The following KDM4C variants were observed in gnomAD, a reference collection of about 807,000 sequenced individuals.
KDM4C encodes the protein lysine-specific demethylase 4C.
KDM4C carries 81 observed loss-of-function variants against 129.3 expected under a neutral mutation model. The ratio of observed to expected loss-of-function variants is 0.63; its 90% CI spans 0.52 to 0.75. The LOEUF (loss-of-function observed/expected upper bound fraction) is 0.75. Among genes scored for constraint, KDM4C ranks in the 30% least tolerant of loss-of-function variants. The pLI is 0.00. For missense variants in KDM4C, 1,457 were observed against 1,304.0 expected (o/e 1.12, Z -1.81); for synonymous variants, 573 against 456.1 (o/e 1.26, Z -3.26).
intron 18 of KDM4C, among the ~76,000 whole-genome samples, chr9:7,120,434 A>C (rs557051262): frequency 6.6e-6 from 1 of 152,154 alleles, no homozygotes; most frequent in Non-Finnish European, 1.5e-5. Context: ...GTATCAGTGG[A>C]GAGAAAACTC....
In KDM4C at chr9:7,049,654, G is replaced by A. The variant is rs1417059190; in HGVS notation, c.2424+454G>A. 3.3e-5 allele frequency among the ~76,000 whole-genome samples: 5 copies of A among 151,880 alleles called. No homozygotes were observed. The East Asian group carries it at 7.7e-4, about 23-fold the overall frequency. On this transcript the variant is annotated intron_variant, in intron 17 of 21. Coordinates refer to ENST00000381309, the MANE Select transcript of KDM4C (RefSeq NM_015061.6). ...GAAATAAAGAAGCTTTTATTTTTAC[G>A]AAGATATTTTCTCACTCTTGAATAG...
upstream of KDM4C, among the ~76,000 whole-genome samples, chr9:6,757,051 T>C (rs1018515580): frequency 6.6e-6 from 1 of 152,012 alleles, no homozygotes; most frequent in Non-Finnish European, 1.5e-5. Flanking sequence ...AAAAAAAAAA[T>C]CATTCAGCTT....
chr9:7,049,503 C>G (rs1829856989), intron 17 of KDM4C, among the ~76,000 whole-genome samples: 1 of 152,064 alleles, frequency 6.6e-6, no homozygotes, highest in South Asian at 2.1e-4. Context: ...AGTACTGGAG[C>G]TGAGCCATCT....
At chr9:6,986,761 A>G in intron 11 of KDM4C, 95 bp downstream of exon 11, 1 of 841,052 alleles carries the variant, frequency 1.2e-6, no homozygotes, top group South Asian at 1.9e-5. Flanking sequence ...CCTTTAGGGC[A>G]CAGATAAATA....
intron 8 of KDM4C, among the ~76,000 whole-genome samples, chr9:6,939,973 C>CCTAG (rs1293739582): frequency 7.7e-6 from 1 of 130,426 alleles, no homozygotes; most frequent in Non-Finnish European, 1.7e-5. Flanking sequence ...TACCTACCTA[C>CCTAG]CTACCTTCCT....
chr9:6,745,632 A>G (rs553859105), intron 1 of KDM4C, among the ~76,000 whole-genome samples: 1 of 150,676 alleles, frequency 6.6e-6, no homozygotes, highest in Non-Finnish European at 1.5e-5. Flanking sequence ...ATGTTACATT[A>G]CATTATATTT....
intron 3 of KDM4C, among the ~76,000 whole-genome samples, chr9:6,808,132 G>A (rs1315580341): frequency 2.5e-5 from 1 of 39,954 alleles, no homozygotes; most frequent in Non-Finnish European, 4.6e-5. Context: ...GCCTCTGCCC[G>A]GCCGCCCCTA....
At chr9:6,806,860 CTCTCCCTCTCCGTCTCCG>C (rs1830064481) in intron 3 of KDM4C, among the ~76,000 whole-genome samples, 1 of 143,854 alleles carries the variant, frequency 7.0e-6, no homozygotes, top group African/African-American at 2.8e-5. Context: ...CACACTGTTG[CTCTCCCTCTCCGTCTCCG>C]TCTCCCTCTC....
At position 7,138,687 on chromosome 9, in the gene KDM4C, C is replaced by T. The variant is rs10976064; in HGVS notation, c.2781+10451C>T. Among the ~76,000 whole-genome samples, 1,363 of 151,624 alleles carry T rather than the reference C, an allele frequency of 9.0e-3. 18 individuals carry two copies. Among genetic ancestry groups the T allele is most frequent in the African/African-American group, 0.031 (1,280 of 41,304 alleles). On this transcript the variant is annotated intron_variant, in intron 19 of 21. Coordinates refer to ENST00000381309, the MANE Select transcript of KDM4C (RefSeq NM_015061.6). ...AAAAAAATTTAGCCAGGCATGGTGA[C>T]GTGTACCTGTAGTCCTAGCTCCTTG... is the stretch of plus-strand genomic sequence containing the variant.
At chr9:6,954,993 G>T (rs1200011040) in intron 8 of KDM4C, among the ~76,000 whole-genome samples, 1 of 152,160 alleles carries the variant, frequency 6.6e-6, no homozygotes, top group African/African-American at 2.4e-5. Flanking sequence ...GGAAGAGTGG[G>T]AACTCTTTAT....
chr9:7,105,509 TGTTTTTCCTGTTTC>T (rs1564124038), intron 18 of KDM4C: 1 of 467,960 alleles, frequency 2.1e-6, no homozygotes, highest in Non-Finnish European at 4.4e-6. Context: ...ACGTGAGTAG[TGTTTTTCCTGTTTC>T]GAGGATAAGA....
intron 5 of KDM4C, among the ~76,000 whole-genome samples, chr9:6,852,907 A>G (rs1284278819): frequency 2.0e-5 from 3 of 152,036 alleles, no homozygotes; most frequent in African/African-American, 7.3e-5. Flanking sequence ...TTGTTTTGGC[A>G]TCTTACAACT....
chr9:6,752,141 G>C (rs960149034), intron 1 of KDM4C, among the ~76,000 whole-genome samples: 3 of 150,176 alleles, frequency 2.0e-5, no homozygotes, highest in African/African-American at 5.0e-5. Context: ...AGACCATCCT[G>C]GCTAACACGG....
chr9:6,793,009 A>G lies in KDM4C; in HGVS notation c.21A>G (p.Glu7=). 6.2e-7 allele frequency: 1 copy of G among 1,614,178 alleles called. No individual in the cohort carries two copies. The highest frequency in any genetic ancestry group is 1.1e-5 in the South Asian group (1 of 91,076). Residue 7 remains glutamate, a synonymous_variant, in exon 2 of 22, where the codon GAA becomes GAG. Transcript: ENST00000381309. The part of the protein sequence containing the change: MEVAEV[E]SPLNPSCKIM... The stretch of plus-strand genomic sequence containing the variant: ...CCATCATGGAGGTGGCCGAGGTGGA[A>G]AGTCCTCTGAACCCCAGCTGTAAGA...
chr9:7,149,092 G>A (rs991725298), intron 19 of KDM4C, among the ~76,000 whole-genome samples: 7 of 152,204 alleles, frequency 4.6e-5, no homozygotes, highest in Admixed American at 3.9e-4. Flanking sequence ...TCTGCACCAA[G>A]GGGCACTTGC....
At chr9:6,856,526 C>G (rs1419173758) in intron 5 of KDM4C, among the ~76,000 whole-genome samples, 1 of 144,848 alleles carries the variant, frequency 6.9e-6, no homozygotes, top group African/African-American at 2.6e-5. Flanking sequence ...TTAGGCATAT[C>G]TCTCTCTGTG....
chr9:6,832,972 G>A (rs898208799), intron 4 of KDM4C, among the ~76,000 whole-genome samples: 1 of 151,420 alleles, frequency 6.6e-6, no homozygotes, highest in African/African-American at 2.4e-5. Context: ...CTGACCTTAG[G>A]TGATCTGCTT....
chr9:6,863,632 T>C (rs916736161), intron 5 of KDM4C, among the ~76,000 whole-genome samples: 40 of 151,688 alleles, frequency 2.6e-4, no homozygotes, highest in African/African-American at 9.5e-4. Context: ...TTGTCTCTAC[T>C]AAAAATACAA....
intron 17 of KDM4C, among the ~76,000 whole-genome samples, chr9:7,101,131 C>T (rs1355875233): frequency 6.6e-6 from 1 of 152,158 alleles, no homozygotes; most frequent in African/African-American, 2.4e-5. Context: ...AGCTTTCTTC[C>T]CTCTGTTGTC....
Sources: allele counts gnomAD v4.1 joint callset (sites outside exome capture counted in the v4.1 genomes callset), GRCh38; gene constraint gnomAD v4.1.1; transcripts MANE v1.5; gene names NCBI Gene and HGNC (gene_info 2026-07-23, HGNC 2026-07-21).